The following GRIN2A variants were observed in gnomAD, a reference collection of about 807,000 sequenced individuals.
The protein encoded by GRIN2A is glutamate receptor ionotropic, NMDA 2A.
GRIN2A carries 22 observed loss-of-function variants against 113.4 expected under a neutral mutation model. The observed-to-expected ratio is 0.19, with a 90% CI of 0.14 to 0.28. GRIN2A has a LOEUF of 0.28. Among genes scored for constraint, GRIN2A ranks in the 10% least tolerant of loss-of-function variants. GRIN2A has a pLI of 1.00. For synonymous variants in GRIN2A, 827 were observed against 738.4 expected, an observed-to-expected ratio of 1.12 and a Z score of -1.94; for missense variants, 1,502 against 1,887.0, an observed-to-expected ratio of 0.80 and a Z score of 3.78.
upstream of GRIN2A, chr16:10,182,442 T>G (rs2050289858): frequency 6.6e-6 from 1 of 150,468 alleles, no homozygotes; most frequent in Non-Finnish European, 1.5e-5. Flanking sequence ...GTAACGAGGG[T>G]GGGGGGGCGC....
At chr16:10,101,288 T>G (rs1044521959) in intron 2 of GRIN2A, among the ~76,000 whole-genome samples, 6 of 152,210 alleles carry the variant, frequency 3.9e-5, no homozygotes, top group African/African-American at 1.4e-4. Context: ...AAACTTCTTG[T>G]GCCCCTAACT....
intron 2 of GRIN2A, among the ~76,000 whole-genome samples, chr16:10,074,748 G>A (rs180827583): frequency 2.0e-4 from 31 of 152,254 alleles, no homozygotes; most frequent in Admixed American, 1.2e-3. Flanking sequence ...ACAGAGTGAC[G>A]GCTAAAAATA....
In GRIN2A at chr16:10,180,769, G is replaced by A; in HGVS notation, c.-18-340C>T. 2.2e-6 allele frequency: 1 copy of A among 447,028 alleles called. No individual in the cohort carries two copies. Among genetic ancestry groups the A allele is most frequent in the South Asian group, 2.2e-5 (1 of 46,498 alleles). The allele number at this position is 447,028 out of a possible 1,614,324, so 27.7% of individuals were successfully genotyped here. On this transcript the variant is annotated intron_variant, in intron 1 of 12. Coordinates refer to ENST00000330684, the MANE Select transcript of GRIN2A (RefSeq NM_001134407.3). This position sits in a 1 kb window ranked among gnomAD's most constrained non-coding sequence, Gnocchi z 7.0. ...TCGCCGCGGGCCACAGACCCTAAGCGCCGCGCGTGTTCTGTACCCCACCAA... is the reference window on the plus strand; with the variant it reads ...TCGCCGCGGGCCACAGACCCTAAGCACCGCGCGTGTTCTGTACCCCACCAA...
intron 2 of GRIN2A, among the ~76,000 whole-genome samples, chr16:10,156,860 T>C (rs550709232): frequency 1.3e-5 from 2 of 152,144 alleles, no homozygotes; most frequent in South Asian, 2.1e-4. Context: ...TTTCCAAAAG[T>C]AAAGATGGAG....
At chr16:10,074,747 CG>C (rs2047835408) in intron 2 of GRIN2A, among the ~76,000 whole-genome samples, 1 of 152,046 alleles carries the variant, frequency 6.6e-6, no homozygotes, top group African/African-American at 2.4e-5. Flanking sequence ...GACAGAGTGA[CG>C]GCTAAAAATA....
intron 3 of GRIN2A, among the ~76,000 whole-genome samples, chr16:9,920,317 GT>G (rs949215381): frequency 7.2e-5 from 11 of 152,172 alleles, no homozygotes; most frequent in African/African-American, 2.2e-4. Flanking sequence ...CCAGGGGACT[GT>G]TTTTATTCTG....
intron 2 of GRIN2A, among the ~76,000 whole-genome samples, chr16:10,159,491 G>A (rs758266089): frequency 1.1e-4 from 16 of 152,202 alleles, no homozygotes; most frequent in Non-Finnish European, 2.4e-4. Flanking sequence ...CTGATGGGAT[G>A]CTTGGAGGGC....
intron 2 of GRIN2A, among the ~76,000 whole-genome samples, chr16:10,076,208 A>G (rs561664166): frequency 3.3e-5 from 5 of 152,270 alleles, no homozygotes; most frequent in African/African-American, 9.6e-5. Context: ...TCACTGGTGC[A>G]AAGTCTGTCC....
At chr16:10,095,425 A>C (rs1361403040) in intron 2 of GRIN2A, among the ~76,000 whole-genome samples, 1 of 152,206 alleles carries the variant, frequency 6.6e-6, no homozygotes, top group Admixed American at 6.5e-5. Flanking sequence ...ACCCACTGTA[A>C]AATTAAGAAT....
At position 9,830,480 on chromosome 16, in the gene GRIN2A, C is replaced by CAAAA. The variant is rs71400501; in HGVS notation, c.1778-832_1778-829dup. Among the ~76,000 whole-genome samples the CAAAA allele has an allele frequency of 6.8e-4, 50 of 73,058 alleles. 1 individual carries two copies. The highest frequency in any genetic ancestry group is 1.7e-3 in the African/African-American group (38 of 22,428). 47.9% of individuals were successfully genotyped at this position (73,058 alleles called of 152,430 possible). Reference sequence around the variant, plus strand: ...TTTTCAAGTCTTTGTTCTGCATGGGCAAAAAAAAAAAAAAAAAAAAATCAA... The same window carrying CAAAA: ...TTTTCAAGTCTTTGTTCTGCATGGGCAAAAAAAAAAAAAAAAAAAAAAAAATCAA... On this transcript the variant is annotated intron_variant, in intron 8 of 12. Coordinates refer to ENST00000330684, the MANE Select transcript of GRIN2A (RefSeq NM_001134407.3).
Position 9,849,932 on chromosome 16 carries a change from G to T in GRIN2A, c.1152C>A (p.Ser384Arg). The T allele has an allele frequency of 5.0e-6, 8 of 1,614,016 alleles. No individual in the cohort carries two copies. Among genetic ancestry groups the T allele is most frequent in the Non-Finnish European group, 5.9e-6 (7 of 1,179,930 alleles). The change falls in exon 5 of 13, where the codon AGC becomes AGA. Residue 384 changes from serine (S) to arginine (R), a missense_variant. Physicochemically the swap from Ser to Arg is moderately radical, Grantham distance 110. This residue lies in a region of GRIN2A where 334 missense variants were observed against 403.0 expected (regional missense o/e 0.83). Transcript: ENST00000330684. ...ACCTGGGCCACACGGCGTGCCTCAG[G>T]CTCAGCGTATGGTTCTCCCACTTGC... The part of the protein sequence containing the change: ...KVGKWENHTL[S>R]LRHAVWPRYK...
intron 9 of GRIN2A, among the ~76,000 whole-genome samples, chr16:9,825,415 T>A (rs900065883): frequency 6.7e-6 from 1 of 149,526 alleles, no homozygotes; most frequent in African/African-American, 2.6e-5. Flanking sequence ...TATTTTCTAA[T>A]TTTTTTTCCA....
intron 11 of GRIN2A, among the ~76,000 whole-genome samples, chr16:9,787,729 C>T (rs1345568756): frequency 6.6e-6 from 1 of 152,228 alleles, no homozygotes; most frequent in Non-Finnish European, 1.5e-5. Flanking sequence ...CTATAACAAT[C>T]ATGGTAGCTG....
chr16:9,956,264 A>C (rs983068132), intron 2 of GRIN2A, among the ~76,000 whole-genome samples: 1 of 152,202 alleles, frequency 6.6e-6, no homozygotes, highest in African/African-American at 2.4e-5. Flanking sequence ...TTAACTTAAA[A>C]AATTTTAAAC....
chr16:10,069,383 A>G (rs1056493032), intron 2 of GRIN2A, among the ~76,000 whole-genome samples: 1 of 152,250 alleles, frequency 6.6e-6, no homozygotes, highest in Admixed American at 6.5e-5. Flanking sequence ...GCTAAGTGTC[A>G]TCCAGGGAAG....
chr16:10,129,607 G>A (rs1463413588), intron 2 of GRIN2A, among the ~76,000 whole-genome samples: 3 of 152,176 alleles, frequency 2.0e-5, no homozygotes, highest in African/African-American at 7.2e-5. Context: ...AAGTGCAAAG[G>A]TGAGTGTGAG....
intron 4 of GRIN2A, among the ~76,000 whole-genome samples, chr16:9,889,448 G>A (rs1016302795): frequency 1.3e-5 from 2 of 151,936 alleles, no homozygotes; most frequent in African/African-American, 4.8e-5. Flanking sequence ...TCTATGGCTT[G>A]TGTTCCACCT....
At chr16:9,815,421 A>G (rs1014551972) in intron 10 of GRIN2A, among the ~76,000 whole-genome samples, 2 of 151,918 alleles carry the variant, frequency 1.3e-5, no homozygotes, top group African/African-American at 4.8e-5. Context: ...ACCAAAAAAA[A>G]AAAAAAAAAG....
intron 10 of GRIN2A, 39 bp downstream of exon 10, chr16:9,822,225 C>G (rs1397855180): frequency 6.2e-7 from 1 of 1,606,688 alleles, no homozygotes; most frequent in Admixed American, 1.7e-5. Flanking sequence ...AGGTTTATCG[C>G]TCGCAGACCT....
Sources: gnomAD v4.1 joint callset for allele counts (sites outside exome capture counted in the v4.1 genomes callset) on GRCh38, gnomAD v4.1.1 for gene constraint, gnomAD v4.1.1 regional missense constraint, Gnocchi (gnomAD v3.1) non-coding constraint, MANE v1.5 for transcripts, NCBI Gene and HGNC (gene_info 2026-07-23, HGNC 2026-07-21) for gene names.